BNC2: variants seen among roughly 807,000 people sequenced by gnomAD.
BNC2 encodes zinc finger protein basonuclin-2.
Under a neutral mutation model 76.3 loss-of-function variants are expected in BNC2, and 20 were observed. The observed-to-expected ratio is 0.26, with a 90% confidence interval of 0.18 to 0.38. The LOEUF (loss-of-function observed/expected upper bound fraction) is 0.38, where lower values mean the gene tolerates loss of function less well. Ranked by LOEUF, BNC2 falls within the 10% of genes least tolerant of loss-of-function variation. The pLI, the probability that BNC2 is intolerant of heterozygous loss-of-function variation, is 1.00. For synonymous variants in BNC2, 582 were observed against 514.8 expected (o/e 1.13, Z -1.77); for missense variants, 1,382 against 1,399.8 (o/e 0.99, Z 0.20).
chr9:16,616,790 G>GGGAAGGAGGGAAGGAAGGAAGGAAGGAA (rs1820712967), intron 3 of BNC2, among the ~76,000 whole-genome samples: 1 of 10,338 alleles, frequency 9.7e-5, no homozygotes, highest in East Asian at 1.6e-3. Context: ...GGAGGAAGGA[G>GGGAAGGAGGGAAGGAAGGAAGGAAGGAA]GGAAGGAAGG....
intron 1 of BNC2, among the ~76,000 whole-genome samples, chr9:16,855,881 A>C (rs2136181705): frequency 6.6e-6 from 1 of 152,012 alleles, no homozygotes; most frequent in East Asian, 1.9e-4. Context: ...TCAGTACACA[A>C]TTGTCTAATG....
chr9:16,592,380 T>C (rs1279762323), intron 3 of BNC2, among the ~76,000 whole-genome samples: 1 of 152,140 alleles, frequency 6.6e-6, no homozygotes, highest in Non-Finnish European at 1.5e-5. Context: ...CACGGATACA[T>C]ACTACAACAT....
chr9:16,709,566 CATT>C (rs138366681), intron 3 of BNC2, among the ~76,000 whole-genome samples: 1,692 of 152,288 alleles, frequency 0.011, 31 homozygotes, highest in African/African-American at 0.038. Flanking sequence ...GCCAGCCCAG[CATT>C]CAGGAGCCTC....
At chr9:16,831,340 T>C (rs1818573418) in intron 1 of BNC2, among the ~76,000 whole-genome samples, 1 of 152,238 alleles carries the variant, frequency 6.6e-6, no homozygotes, top group South Asian at 2.1e-4. Flanking sequence ...TCAATGACCA[T>C]TTTCATTCAC....
intron 3 of BNC2, chr9:16,685,659 G>GT: frequency 1.6e-6 from 2 of 1,272,086 alleles, no homozygotes; most frequent in Non-Finnish European, 2.1e-6. Context: ...TAGATGCTGT[G>GT]TATGGAGGCT....
chr9:16,839,894 C>T (rs1563965786), intron 1 of BNC2, among the ~76,000 whole-genome samples: 1 of 152,106 alleles, frequency 6.6e-6, no homozygotes, highest in Non-Finnish European at 1.5e-5. Flanking sequence ...ACACCCACCA[C>T]CACCCCATGA....
chr9:16,701,521 T>C (rs1195975355), intron 3 of BNC2, among the ~76,000 whole-genome samples: 1 of 152,244 alleles, frequency 6.6e-6, no homozygotes, highest in Non-Finnish European at 1.5e-5. Context: ...TTTCATTTTT[T>C]TATGCTTACT....
chr9:16,557,468 T>C (rs527618431), intron 4 of BNC2, among the ~76,000 whole-genome samples: 16 of 151,498 alleles, frequency 1.1e-4, no homozygotes, highest in African/African-American at 3.2e-4. Context: ...CACTGCACTC[T>C]AGCCTGGGCG....
At chr9:16,804,404 C>T (rs1277964562) in intron 1 of BNC2, among the ~76,000 whole-genome samples, 1 of 152,186 alleles carries the variant, frequency 6.6e-6, no homozygotes, top group African/African-American at 2.4e-5. Flanking sequence ...TAGAAAGCTG[C>T]AGTATCAAGT....
chr9:16,801,109 G>C (rs1326984648), intron 1 of BNC2, among the ~76,000 whole-genome samples: 1 of 152,086 alleles, frequency 6.6e-6, no homozygotes, highest in Non-Finnish European at 1.5e-5. Flanking sequence ...AAAATCCAAA[G>C]TATATCCCCT....
At chr9:16,512,545 A>C (rs1017529076) in intron 5 of BNC2, among the ~76,000 whole-genome samples, 1 of 152,128 alleles carries the variant, frequency 6.6e-6, no homozygotes, top group Non-Finnish European at 1.5e-5. Context: ...TAAACAACCA[A>C]CTGAACTAAC....
chr9:16,513,864 A>G (rs965154110), intron 5 of BNC2, among the ~76,000 whole-genome samples: 1 of 152,158 alleles, frequency 6.6e-6, no homozygotes, highest in Non-Finnish European at 1.5e-5. Flanking sequence ...GGAACTTCCT[A>G]TGGATTAGCA....
rs79860001 is a variant in BNC2 at position 16,806,672 on chromosome 9, C to A, written c.3+63974G>T. On this transcript the variant is annotated intron_variant, in intron 1 of 6. Transcript: ENST00000380672. Reference sequence around the variant, plus strand: ...TATAACATCTCTGCTTAAGTAACAGCCTTAATGTAACTTCTTCATATTAGT... The same window carrying A: ...TATAACATCTCTGCTTAAGTAACAGACTTAATGTAACTTCTTCATATTAGT... 9.5e-4 allele frequency among the ~76,000 whole-genome samples: 145 copies of A among 152,254 alleles called. 1 individual carries two copies. Among genetic ancestry groups the A allele is most frequent in the African/African-American group, 3.3e-3 (138 of 41,546 alleles).
At position 16,557,011 on chromosome 9, in the gene BNC2, C is replaced by G. The variant is rs566702145; in HGVS notation, c.434-4246G>C. ...CTAGACTGCTGCCTAATTTCATGAT[C>G]TTCACATATCTGACTGTGGAGGAGT... On this transcript the variant is annotated intron_variant, in intron 4 of 6. Coordinates refer to ENST00000380672, the MANE Select transcript of BNC2 (RefSeq NM_017637.6). Among the ~76,000 whole-genome samples the G allele has an allele frequency of 4.0e-5, 6 of 150,240 alleles. No homozygotes were observed. In the East Asian group the frequency reaches 1.2e-3, roughly 29 times the overall value.
At chr9:16,625,202 C>T (rs1256871120) in intron 3 of BNC2, among the ~76,000 whole-genome samples, 1 of 152,180 alleles carries the variant, frequency 6.6e-6, no homozygotes, top group East Asian at 1.9e-4. Context: ...AAAAAAAATG[C>T]TGTGCTTTCT....
In BNC2 at chr9:16,721,070, C is replaced by T. The variant is rs1295538037; in HGVS notation, c.330+6727G>A. Reference sequence around the variant, plus strand: ...TCTTTAAACCTGGGGAGAAAGATGGCAGTACAGGTCAGGCTCAATGAGGAG... The same window carrying T: ...TCTTTAAACCTGGGGAGAAAGATGGTAGTACAGGTCAGGCTCAATGAGGAG... On this transcript the variant is annotated intron_variant, in intron 3 of 6. Transcript: ENST00000380672. Among the ~76,000 whole-genome samples the T allele has an allele frequency of 2.0e-5, 3 of 152,146 alleles. No homozygotes were observed. The East Asian group carries it at 5.8e-4, about 29-fold the overall frequency.
chr9:16,626,417 G>A (rs1406452649), intron 3 of BNC2: 1 of 152,144 alleles, frequency 6.6e-6, no homozygotes, highest in African/African-American at 2.4e-5. Context: ...AAGTACATTT[G>A]CAAGATGCAT....
At chr9:16,457,937 AAGAG>A (rs1821490287) in intron 5 of BNC2, among the ~76,000 whole-genome samples, 1 of 152,114 alleles carries the variant, frequency 6.6e-6, no homozygotes, top group South Asian at 2.1e-4. Context: ...ATCCAACATA[AAGAG>A]AGATTCTGTG....
intron 5 of BNC2, among the ~76,000 whole-genome samples, chr9:16,471,758 G>A (rs941063489): frequency 1.3e-5 from 2 of 152,222 alleles, no homozygotes; most frequent in African/African-American, 2.4e-5. Context: ...AGATTTGGAG[G>A]GGCCAGGTGC....
Sources: allele counts gnomAD v4.1 joint callset (sites outside exome capture counted in the v4.1 genomes callset), GRCh38; gene constraint gnomAD v4.1.1; transcripts MANE v1.5; gene names NCBI Gene and HGNC (gene_info 2026-07-23, HGNC 2026-07-21).